PPARGC1B: variants seen among roughly 807,000 people sequenced by gnomAD.
The protein encoded by PPARGC1B is PPARG coactivator 1 beta.
Under a neutral mutation model 101.6 loss-of-function variants are expected in PPARGC1B, and 34 were observed. The ratio of observed to expected loss-of-function variants is 0.33; its 90% CI spans 0.25 to 0.45. The LOEUF (loss-of-function observed/expected upper bound fraction) is 0.45, where lower values mean the gene tolerates loss of function less well. Ranked by LOEUF, PPARGC1B falls within the 20% of genes least tolerant of loss-of-function variation. PPARGC1B has a pLI of 1.00. For missense variants in PPARGC1B, 1,234 were observed against 1,317.6 expected (o/e 0.94, Z 0.98); for synonymous variants, 548 against 539.3 (o/e 1.02, Z -0.22).
chr5:149,850,889 C>T lies in PPARGC1B; in HGVS notation c.*3331C>T, dbSNP rs374741759. 10 of 152,212 alleles carry T rather than the reference C, an allele frequency of 6.6e-5. No homozygotes were observed. Among genetic ancestry groups the T allele is most frequent in the East Asian group, 5.8e-4 (3 of 5,186 alleles). The allele number at this position is 152,212 out of a possible 1,614,324, so 9.4% of individuals were successfully genotyped here. On this transcript the variant is annotated 3_prime_UTR_variant, in exon 12 of 12. Coordinates refer to ENST00000309241, the MANE Select transcript of PPARGC1B (RefSeq NM_133263.4). ...AAGGCTGAATCAGAATCCCCATTCT[C>T]GGGGGCTCTGGTTACCGAAGGAAAA...
intron 1 of PPARGC1B, among the ~76,000 whole-genome samples, chr5:149,817,360 C>G (rs1350644294): frequency 2.0e-5 from 3 of 152,120 alleles, no homozygotes; most frequent in Admixed American, 6.5e-5. Context: ...CACACCTGTA[C>G]TCTCAGCTAC....
rs1759001058 is a variant in PPARGC1B at position 149,835,296 on chromosome 5, AC to A, written c.1743-3del. ...TTTCCTTTCTGTCCTCCCTGCCTCC[AC>A]CAGCGACCCAACTTTTGGCAAGAAG... On this transcript the variant is annotated splice_region_variant and splice_polypyrimidine_tract_variant and intron_variant, in intron 6 of 11. Transcript: ENST00000309241. The A allele has an allele frequency of 6.2e-7, 1 of 1,613,980 alleles. No homozygotes were observed. Among genetic ancestry groups the A allele is most frequent in the East Asian group, 2.2e-5 (1 of 44,892 alleles).
At chr5:149,815,739 G>A (rs1261492208) in intron 1 of PPARGC1B, among the ~76,000 whole-genome samples, 2 of 152,134 alleles carry the variant, frequency 1.3e-5, no homozygotes, top group Admixed American at 6.5e-5. Context: ...TAGAAATGCA[G>A]TTTTACCATG....
At chr5:149,825,862 G>A (rs756566469) in intron 2 of PPARGC1B, among the ~76,000 whole-genome samples, 18 of 152,186 alleles carry the variant, frequency 1.2e-4, no homozygotes, top group Non-Finnish European at 2.4e-4. Flanking sequence ...GGCAGAAATC[G>A]TGTAACAGTA....
At chr5:149,759,997 G>T (rs548882592) in intron 1 of PPARGC1B, among the ~76,000 whole-genome samples, 1 of 152,326 alleles carries the variant, frequency 6.6e-6, no homozygotes, top group African/African-American at 2.4e-5. Context: ...GAGCTCCAGC[G>T]CTCCCACAGG....
chr5:149,742,286 C>G (rs1305823304), intron 1 of PPARGC1B, among the ~76,000 whole-genome samples: 2 of 152,162 alleles, frequency 1.3e-5, no homozygotes, highest in Non-Finnish European at 2.9e-5. Flanking sequence ...CTCCCTGTGC[C>G]CCTCTCCCAT....
chr5:149,797,938 A>C (rs1757290663), intron 1 of PPARGC1B, among the ~76,000 whole-genome samples: 1 of 152,102 alleles, frequency 6.6e-6, no homozygotes, highest in Non-Finnish European at 1.5e-5. Context: ...GCCAAAAAAC[A>C]ATTCATTTAT....
chr5:149,805,594 C>T (rs1757570927), intron 1 of PPARGC1B, among the ~76,000 whole-genome samples: 1 of 152,140 alleles, frequency 6.6e-6, no homozygotes. Context: ...CGTGCACCAC[C>T]ACGCCTGGCT....
chr5:149,849,933 G>C lies in PPARGC1B; in HGVS notation c.*2375G>C, dbSNP rs1459911761. On this transcript the variant is annotated 3_prime_UTR_variant, in exon 12 of 12. Transcript: ENST00000309241. ...TTCCTCTTTAGCTATTCACTGCCTA[G>C]CACATAGTAGGCACACAATAAATGA... The C allele has an allele frequency of 6.6e-6, 1 of 152,150 alleles. No homozygotes were observed. The highest frequency in any genetic ancestry group is 2.4e-5 in the African/African-American group (1 of 41,422). The allele number at this position is 152,150 out of a possible 1,614,324, so 9.4% of individuals were successfully genotyped here. A position where few individuals can be genotyped will look rare whatever the true frequency, so the allele number is the denominator to read the frequency against.
Position 149,847,071 on chromosome 5 carries a change from C to T in PPARGC1B, c.2972-387C>T, listed in dbSNP as rs530511666. ...CTGCACTCCAGCCTTGGTGACAGAG[C>T]GAGACTGCATCTCAAAAAAAAAAAA... On this transcript the variant is annotated intron_variant, in intron 11 of 11. Coordinates refer to ENST00000309241, the MANE Select transcript of PPARGC1B (RefSeq NM_133263.4). 9.9e-5 allele frequency: 32 copies of T among 324,462 alleles called. 1 individual carries two copies. The highest frequency in any genetic ancestry group is 7.1e-4 in the Admixed American group (18 of 25,518). 20.1% of individuals were successfully genotyped at this position (324,462 alleles called of 1,614,324 possible).
intron 1 of PPARGC1B, among the ~76,000 whole-genome samples, chr5:149,792,789 G>C (rs926798690): frequency 6.6e-6 from 1 of 152,032 alleles, no homozygotes; most frequent in East Asian, 1.9e-4. Context: ...TGCATGCTTG[G>C]GTGCTTAAGA....
At chr5:149,799,696 T>G (rs76380739) in intron 1 of PPARGC1B, among the ~76,000 whole-genome samples, 4 of 110,506 alleles carry the variant, frequency 3.6e-5, no homozygotes, top group South Asian at 3.2e-4. Context: ...TGTTGTTGTT[T>G]TTTTTTTTTT....
At chr5:149,759,798 C>T (rs34893624) in intron 1 of PPARGC1B, among the ~76,000 whole-genome samples, 12,934 of 152,222 alleles carry the variant, frequency 0.085, 783 homozygotes, top group East Asian at 0.25. Context: ...GGCCTGGCTG[C>T]CAAGAGCCCC....
Position 149,809,232 on chromosome 5 carries a change from C to CATAG in PPARGC1B, c.79-11158_79-11155dup, listed in dbSNP as rs780945170. 1.1e-3 allele frequency among the ~76,000 whole-genome samples: 9 copies of CATAG among 8,162 alleles called. 2 individuals carry two copies. Among genetic ancestry groups the CATAG allele is most frequent in the African/African-American group, 4.0e-3 (9 of 2,234 alleles). The allele number at this position is 8,162 out of a possible 152,430, so 5.4% of individuals were successfully genotyped here. On this transcript the variant is annotated intron_variant, in intron 1 of 11. Transcript: ENST00000309241. ...GATAGATAGATAGATCCATCTCTAC[C>CATAG]ATAGATAGATAGATAGATAGATAGA...
chr5:149,847,545 A>G lies in PPARGC1B; in HGVS notation c.3059A>G (p.Gln1020Arg), dbSNP rs1015157706. Residue 1020 changes from glutamine (Q) to arginine (R), a missense_variant, in exon 12 of 12, where the codon CAG (glutamine) becomes CGG (arginine). This residue lies in a region of PPARGC1B where 497 missense variants were observed against 529.5 expected (regional missense o/e 0.94). Transcript: ENST00000309241. The stretch of plus-strand genomic sequence containing the variant: ...GACAGCTTACTGAAAGAGGCCCAGC[A>G]GAGCCTGCATTGATAACAGCCTTAA... ...DFDSLLKEAQ[Q>R]SLH 2.5e-6 allele frequency: 4 copies of G among 1,613,850 alleles called. No individual in the cohort carries two copies. The highest frequency in any genetic ancestry group is 2.5e-6 in the Non-Finnish European group (3 of 1,179,722).
At chr5:149,856,695 G>T (rs1337187705), downstream of PPARGC1B, among the ~76,000 whole-genome samples, 1 of 151,478 alleles carries the variant, frequency 6.6e-6, no homozygotes, top group Admixed American at 6.6e-5. Flanking sequence ...AATAAAACCT[G>T]ATTTGCAGAA....
chr5:149,745,091 G>A (rs765530746), intron 1 of PPARGC1B, among the ~76,000 whole-genome samples: 5 of 151,990 alleles, frequency 3.3e-5, no homozygotes, highest in Non-Finnish European at 7.4e-5. Flanking sequence ...TTTAGAGATA[G>A]GGTCTTGCTA....
At chr5:149,771,797 G>C (rs1241020537) in intron 1 of PPARGC1B, 1 of 290,996 alleles carries the variant, frequency 3.4e-6, no homozygotes, top group Non-Finnish European at 6.3e-6. Flanking sequence ...CATAACAACT[G>C]GTTCTGGAGG....
chr5:149,856,527 C>A (rs1431997380), downstream of PPARGC1B, among the ~76,000 whole-genome samples: 2 of 152,168 alleles, frequency 1.3e-5, no homozygotes, highest in African/African-American at 4.8e-5. Flanking sequence ...ATGGCAGATG[C>A]AGAGCCTCAA....
Sources: gnomAD v4.1 joint callset for allele counts (sites outside exome capture counted in the v4.1 genomes callset) on GRCh38, gnomAD v4.1.1 for gene constraint, gnomAD v4.1.1 regional missense constraint, MANE v1.5 for transcripts, NCBI Gene and HGNC (gene_info 2026-07-23, HGNC 2026-07-21) for gene names.